The following RBMS3 variants were observed in gnomAD, a reference collection of about 807,000 sequenced individuals.
RBMS3 encodes the protein RNA binding motif single stranded interacting protein 3.
A neutral mutation model predicts 66.8 loss-of-function variants in RBMS3; 27 were observed. That is an observed-to-expected ratio of 0.40 (90% CI 0.30 to 0.56). The LOEUF is 0.56. Ranked by LOEUF, RBMS3 falls within the 20% of genes least tolerant of loss-of-function variation. The pLI is 0.40. For missense variants in RBMS3, 513 were observed against 549.5 expected (o/e 0.93, Z 0.66); for synonymous variants, 188 against 183.0 (o/e 1.03, Z -0.22).
In RBMS3 at chr3:29,892,840, TATG is replaced by T. The variant is rs1484524939; in HGVS notation, c.792-4538_792-4536del. ...GTATGTATGTATGTATGTATGTATG[TATG>T]TATTTATTTATTTATTTATTTATTT... On this transcript the variant is annotated intron_variant, in intron 8 of 14. Coordinates refer to ENST00000383767, the MANE Select transcript of RBMS3 (RefSeq NM_001003793.3). Among the ~76,000 whole-genome samples, 371 of 137,626 alleles carry T rather than the reference TATG, an allele frequency of 2.7e-3. 4 individuals are homozygous for T. The highest frequency in any genetic ancestry group is 0.011 in the African/African-American group (341 of 32,020). 90.3% of individuals were successfully genotyped at this position (137,626 alleles called of 152,430 possible). A position where few individuals can be genotyped will look rare whatever the true frequency, so the allele number is the denominator to read the frequency against.
At chr3:29,576,550 T>C (rs2047127689) in intron 3 of RBMS3, among the ~76,000 whole-genome samples, 2 of 152,176 alleles carry the variant, frequency 1.3e-5, no homozygotes, top group South Asian at 4.1e-4. Context: ...CAGCCAAGTT[T>C]GTGTCCCTAC....
chr3:29,901,350 G>T (rs10510631), intron 10 of RBMS3, among the ~76,000 whole-genome samples: 11 of 151,724 alleles, frequency 7.3e-5, no homozygotes, highest in Non-Finnish European at 1.5e-4. Flanking sequence ...CATCCGTAAA[G>T]CACTAATACT....
At chr3:29,282,151 C>T (rs2031855757) in intron 1 of RBMS3, among the ~76,000 whole-genome samples, 1 of 152,054 alleles carries the variant, frequency 6.6e-6, no homozygotes, top group Admixed American at 6.5e-5. Context: ...GATTGTGGCT[C>T]TAAAAGGGTT....
chr3:29,410,068 T>A (rs1171174866), intron 1 of RBMS3, among the ~76,000 whole-genome samples: 1 of 152,184 alleles, frequency 6.6e-6, no homozygotes, highest in Admixed American at 6.6e-5. Flanking sequence ...TTCAAATGTT[T>A]GACCATAAGA....
At position 29,561,098 on chromosome 3, in the gene RBMS3, C is replaced by T. The variant is rs568364442; in HGVS notation, c.308-26016C>T. ...TTGCTTTTTATGGCTACATAGTATTCCATGGTGCCTATGTACCACATTTTC... is the reference window on the plus strand; with the variant it reads ...TTGCTTTTTATGGCTACATAGTATTTCATGGTGCCTATGTACCACATTTTC... On this transcript the variant is annotated intron_variant, in intron 3 of 14. Transcript: ENST00000383767. Among the ~76,000 whole-genome samples the T allele has an allele frequency of 5.3e-5, 6 of 112,824 alleles. No homozygotes were observed. The South Asian group carries it at 1.8e-3, about 34-fold the overall frequency. The allele number at this position is 112,824 out of a possible 152,430, so 74.0% of individuals were successfully genotyped here.
In RBMS3 at chr3:29,674,414, C is replaced by T. The variant is rs188587906; in HGVS notation, c.400-65306C>T. 3.2e-3 allele frequency among the ~76,000 whole-genome samples: 484 copies of T among 151,996 alleles called. 3 individuals carry two copies. Among genetic ancestry groups the T allele is most frequent in the African/African-American group, 0.011 (463 of 41,426 alleles). ...GGAAGTTCTGGCCAGGGTAATCAGG[C>T]GGGAGAAAGAAAGAAAGGGTATTCA... is the stretch of plus-strand genomic sequence containing the variant. On this transcript the variant is annotated intron_variant, in intron 4 of 14. Coordinates refer to ENST00000383767, the MANE Select transcript of RBMS3 (RefSeq NM_001003793.3).
At chr3:29,690,064 G>A (rs1455640170) in intron 4 of RBMS3, among the ~76,000 whole-genome samples, 1 of 150,202 alleles carries the variant, frequency 6.7e-6, no homozygotes, top group African/African-American at 2.4e-5. Context: ...TATGTGGAAA[G>A]TATACATTTT....
chr3:29,874,268 TA>T (rs2059559155), intron 7 of RBMS3, among the ~76,000 whole-genome samples: 1 of 152,176 alleles, frequency 6.6e-6, no homozygotes, highest in Non-Finnish European at 1.5e-5. Context: ...GACATAGAAT[TA>T]AACCACTGGA....
chr3:29,651,478 AG>A (rs1170520288), intron 4 of RBMS3, among the ~76,000 whole-genome samples: 1 of 152,184 alleles, frequency 6.6e-6, no homozygotes, highest in Non-Finnish European at 1.5e-5. Flanking sequence ...TAAAGCTGAA[AG>A]GTCACTTGTG....
rs555233298 is a variant in RBMS3, at chr3:29,887,832, C to T, written c.791+3624C>T. Among the ~76,000 whole-genome samples, 10 of 151,798 alleles carry T rather than the reference C, an allele frequency of 6.6e-5. No homozygotes were observed. The East Asian group carries it at 1.4e-3, about 21-fold the overall frequency. ...GATTTTAATCAGTCATTCTCTAATGCGCAATTTAAAATTCTACAAAGACAT... is the reference window on the plus strand; with the variant it reads ...GATTTTAATCAGTCATTCTCTAATGTGCAATTTAAAATTCTACAAAGACAT... On this transcript the variant is annotated intron_variant, in intron 8 of 14. Coordinates refer to ENST00000383767, the MANE Select transcript of RBMS3 (RefSeq NM_001003793.3).
At chr3:29,850,502 G>GT (rs1036504237) in intron 6 of RBMS3, among the ~76,000 whole-genome samples, 14 of 151,974 alleles carry the variant, frequency 9.2e-5, no homozygotes, top group East Asian at 1.9e-4. Flanking sequence ...GAAATTACAT[G>GT]TTTTTTTAGT....
At chr3:29,295,029 A>G (rs1184599276) in intron 1 of RBMS3, among the ~76,000 whole-genome samples, 2 of 151,662 alleles carry the variant, frequency 1.3e-5, no homozygotes, top group Non-Finnish European at 2.9e-5. Context: ...GGGTATAAAG[A>G]CATATCTAAA....
intron 6 of RBMS3, among the ~76,000 whole-genome samples, chr3:29,786,518 T>C (rs76196066): frequency 0.1 from 15,526 of 152,082 alleles, 881 homozygotes; most frequent in Non-Finnish European, 0.12. Flanking sequence ...TGGAACAGAA[T>C]GGAGAACCCA....
chr3:29,534,897 G>A (rs1187588291), intron 3 of RBMS3, among the ~76,000 whole-genome samples: 1 of 151,500 alleles, frequency 6.6e-6, no homozygotes, highest in Non-Finnish European at 1.5e-5. Context: ...AAAGATTATT[G>A]ATTAAATGGA....
intron 1 of RBMS3, among the ~76,000 whole-genome samples, chr3:29,352,074 T>C (rs1265362615): frequency 1.3e-5 from 2 of 152,032 alleles, no homozygotes; most frequent in Non-Finnish European, 2.9e-5. Context: ...TGAATTCTTC[T>C]ATTTTTTACA....
At position 29,332,339 on chromosome 3, in the gene RBMS3, TC is replaced by T. The variant is rs528585877; in HGVS notation, c.75+50585del. On this transcript the variant is annotated intron_variant, in intron 1 of 14. Coordinates refer to ENST00000383767, the MANE Select transcript of RBMS3 (RefSeq NM_001003793.3). The stretch of plus-strand genomic sequence containing the variant: ...TTCTCTTGCCTCCTTTTGTTTTTTT[TC>T]CTAAGGTCTTTATTCACAAATGAAA... 5.9e-5 allele frequency among the ~76,000 whole-genome samples: 9 copies of T among 152,274 alleles called. No homozygotes were observed. In the South Asian group the frequency reaches 1.0e-3, roughly 18 times the overall value.
At position 29,665,977 on chromosome 3, in the gene RBMS3, G is replaced by A. The variant is rs187242629; in HGVS notation, c.400-73743G>A. Among the ~76,000 whole-genome samples, 438 of 152,142 alleles carry A rather than the reference G, an allele frequency of 2.9e-3. 4 individuals are homozygous for A. The highest frequency in any genetic ancestry group is 9.9e-3 in the African/African-American group (410 of 41,512). ...CCAGTCAGAATAATCTAAAAGGCTC[G>A]TCTACAGTTAACCCTCTCCTCACCT... On this transcript the variant is annotated intron_variant, in intron 4 of 14. Coordinates refer to ENST00000383767, the MANE Select transcript of RBMS3 (RefSeq NM_001003793.3).
chr3:29,803,098 C>A (rs1408912341), intron 6 of RBMS3, among the ~76,000 whole-genome samples: 1 of 152,126 alleles, frequency 6.6e-6, no homozygotes, highest in African/African-American at 2.4e-5. Context: ...GAGTAATGTC[C>A]TTCTTGGGCA....
intron 1 of RBMS3, among the ~76,000 whole-genome samples, chr3:29,376,357 G>T (rs1188050138): frequency 6.6e-6 from 1 of 152,092 alleles, no homozygotes; most frequent in Non-Finnish European, 1.5e-5. Flanking sequence ...TTAAAAGTTG[G>T]AAATAAAAAA....
Sources: allele counts gnomAD v4.1 joint callset (sites outside exome capture counted in the v4.1 genomes callset), GRCh38; gene constraint gnomAD v4.1.1; transcripts MANE v1.5; gene names NCBI Gene and HGNC (gene_info 2026-07-23, HGNC 2026-07-21).